SLC7A7: variants seen among roughly 807,000 people sequenced by gnomAD.
SLC7A7 encodes the protein solute carrier family 7 member 7.
A neutral mutation model predicts 47.9 loss-of-function variants in SLC7A7; 39 were observed. That is an observed-to-expected ratio of 0.81 (90% CI 0.63 to 1.06). SLC7A7 has a LOEUF of 1.06. Ranked by LOEUF, SLC7A7 falls within the 50% of genes least tolerant of loss-of-function variation. The pLI, the probability that SLC7A7 is intolerant of heterozygous loss-of-function variation, is 0.00. For synonymous variants in SLC7A7, 234 were observed against 242.8 expected (o/e 0.96, Z 0.34); for missense variants, 588 against 632.0 (o/e 0.93, Z 0.75).
chr14:22,813,517 G>A (rs942611299), intron 1 of SLC7A7, 77 bp from the exon 2 acceptor site: 2 of 1,307,522 alleles, frequency 1.5e-6, no homozygotes, highest in South Asian at 2.5e-5. Context: ...CCAACACAGG[G>A]TAATACGGGC....
At chr14:22,779,468 G>C (rs796221027) in intron 3 of SLC7A7, among the ~76,000 whole-genome samples, 1,694 of 124,722 alleles carry the variant, frequency 0.014, 39 homozygotes, top group African/African-American at 0.042. Flanking sequence ...TTTTTTTTTG[G>C]GGGGGGGACA....
At chr14:22,816,709 G>T (rs2039412176), upstream of SLC7A7, among the ~76,000 whole-genome samples, 1 of 152,060 alleles carries the variant, frequency 6.6e-6, no homozygotes, top group South Asian at 2.1e-4. Context: ...AAATCCAACT[G>T]TCTGTTTCTT....
chr14:22,780,159 C>A, intron 2 of SLC7A7, 108 bp from the exon 3 acceptor site: 1 of 1,488,084 alleles, frequency 6.7e-7, no homozygotes, highest in Non-Finnish European at 9.3e-7. Context: ...TACCCTTCAG[C>A]CAAAGACAGA....
At chr14:22,782,464 AT>A (rs553527995) in intron 2 of SLC7A7, among the ~76,000 whole-genome samples, 2,003 of 135,698 alleles carry the variant, frequency 0.015, 48 homozygotes, top group African/African-American at 0.049. Context: ...TTATTTATTT[AT>A]TTTATTTATT....
At chr14:22,786,536 T>G (rs1311462364) in intron 2 of SLC7A7, among the ~76,000 whole-genome samples, 1 of 152,248 alleles carries the variant, frequency 6.6e-6, no homozygotes, top group African/African-American at 2.4e-5. Context: ...CAGACCGTGT[T>G]GCCGACTACG....
chr14:22,801,805 T>C (rs756803403), intron 2 of SLC7A7, among the ~76,000 whole-genome samples: 1 of 152,020 alleles, frequency 6.6e-6, no homozygotes, highest in Non-Finnish European at 1.5e-5. Context: ...AATCCCTGTA[T>C]TGGGTTGCCC....
intron 2 of SLC7A7, 24 bp from the exon 3 acceptor site, chr14:22,780,075 G>A (rs999657013): frequency 7.4e-6 from 12 of 1,613,282 alleles, no homozygotes; most frequent in African/African-American, 1.3e-5. Context: ...AATACTGATT[G>A]GTGACTTACC....
chr14:22,807,624 G>A (rs1215940320), intron 2 of SLC7A7, among the ~76,000 whole-genome samples: 1 of 152,028 alleles, frequency 6.6e-6, no homozygotes, highest in Non-Finnish European at 1.5e-5. Flanking sequence ...AGTCCAACCT[G>A]ATTATAAAAC....
At position 22,773,505 on chromosome 14, in the gene SLC7A7, T is replaced by C; in HGVS notation, c.*105A>G. 1 of 940,144 alleles carries C rather than the reference T, an allele frequency of 1.1e-6. No homozygotes were observed. The allele number at this position is 940,144 out of a possible 1,614,324, so 58.2% of individuals were successfully genotyped here. ...AGGTTGAAGCTGCCTAGGCCAGGCT[T>C]CTGGACAGGTGCCTCCAAAGAAGTG... On this transcript the variant is annotated 3_prime_UTR_variant, in exon 10 of 10. Transcript: ENST00000674313.
rs1309171966 is a variant in SLC7A7 at position 22,778,787 on chromosome 14, A to G, written c.770+6T>C. On this transcript the variant is annotated splice_donor_region_variant and intron_variant, in intron 4 of 9. Coordinates refer to ENST00000674313, the MANE Select transcript of SLC7A7 (RefSeq NM_003982.4). Reference sequence around the variant, plus strand: ...TGCTATGGAAAGTTGGTGGTGCAGTACCTACCTCTCAGGATTCTTGATCTC... The same window carrying G: ...TGCTATGGAAAGTTGGTGGTGCAGTGCCTACCTCTCAGGATTCTTGATCTC... 1.2e-6 allele frequency: 2 copies of G among 1,613,942 alleles called. No homozygotes were observed. Among genetic ancestry groups the G allele is most frequent in the Admixed American group, 1.7e-5 (1 of 60,010 alleles).
intron 5 of SLC7A7, 96 bp from the exon 6 acceptor site, chr14:22,776,032 A>C: frequency 1.4e-6 from 2 of 1,421,590 alleles, no homozygotes; most frequent in East Asian, 4.5e-5. Flanking sequence ...AGGTATTCCA[A>C]CCTTTCTTCC....
At chr14:22,787,436 A>ACAATAAATAAAT (rs2038836905) in intron 2 of SLC7A7, among the ~76,000 whole-genome samples, 1 of 148,162 alleles carries the variant, frequency 6.7e-6, no homozygotes, top group African/African-American at 2.5e-5. Flanking sequence ...ACTCCGTCTC[A>ACAATAAATAAAT]AAATAAATAA....
chr14:22,813,881 C>T (rs1381733055), intron 1 of SLC7A7, among the ~76,000 whole-genome samples: 3 of 151,452 alleles, frequency 2.0e-5, no homozygotes, highest in African/African-American at 7.3e-5. Context: ...ACCTCCGCCT[C>T]CCGGGTTCAA....
rs750961059 is a variant in SLC7A7, at chr14:22,773,570, C to T, written c.*40G>A. 40 of 1,560,370 alleles carry T rather than the reference C, an allele frequency of 2.6e-5. No individual in the cohort carries two copies. Among genetic ancestry groups the T allele is most frequent in the Non-Finnish European group, 3.4e-5 (39 of 1,130,918 alleles). On this transcript the variant is annotated 3_prime_UTR_variant, in exon 10 of 10. Transcript: ENST00000674313. ...ACTTCCTTAGCTCTAGCCAGTAGAC[C>T]AGAAACCCCTGCTTTCCACATCAGG... is the stretch of plus-strand genomic sequence containing the variant.
intron 2 of SLC7A7, among the ~76,000 whole-genome samples, chr14:22,783,348 G>C (rs1174248043): frequency 1.3e-5 from 2 of 151,796 alleles, no homozygotes; most frequent in Admixed American, 6.6e-5. Flanking sequence ...TTATAGGGAA[G>C]AGCCATGGCA....
intron 2 of SLC7A7, among the ~76,000 whole-genome samples, chr14:22,795,442 CTTTT>C (rs2039003422): frequency 1.3e-5 from 1 of 76,614 alleles, no homozygotes; most frequent in Non-Finnish European, 2.6e-5. Context: ...TTCTTTCTTT[CTTTT>C]CTATTCTTTT....
chr14:22,813,024 G>A lies in SLC7A7; in HGVS notation c.375C>T (p.Leu125=), dbSNP rs199724860. 2.5e-6 allele frequency: 4 copies of A among 1,613,990 alleles called. No individual in the cohort carries two copies. Among genetic ancestry groups the A allele is most frequent in the African/African-American group, 1.3e-5 (1 of 74,884 alleles). Residue 125 remains leucine (L), a synonymous_variant, in exon 2 of 10, where the codon CTC becomes CTT. Coordinates refer to ENST00000674313, the MANE Select transcript of SLC7A7 (RefSeq NM_003982.4). ...LAFIRLWTSL[L]IIEPTSQAII... ...TGGCCTGGCTGGTGGGCTCAATGAT[G>A]AGCAGGGAGGTCCAGAGTCTGATGA...
At chr14:22,811,738 G>A (rs1307624724) in intron 2 of SLC7A7, among the ~76,000 whole-genome samples, 1 of 151,338 alleles carries the variant, frequency 6.6e-6, no homozygotes, top group Non-Finnish European at 1.5e-5. Flanking sequence ...TGTAATCCCA[G>A]CTACTAGGGA....
chr14:22,790,776 A>G (rs1453217302), intron 2 of SLC7A7, among the ~76,000 whole-genome samples: 1 of 152,188 alleles, frequency 6.6e-6, no homozygotes, highest in East Asian at 1.9e-4. Flanking sequence ...GAGGCAGACG[A>G]ATCACGAGTT....
Sources: gnomAD v4.1 joint callset for allele counts (sites outside exome capture counted in the v4.1 genomes callset) on GRCh38, gnomAD v4.1.1 for gene constraint, MANE v1.5 for transcripts, NCBI Gene and HGNC (gene_info 2026-07-23, HGNC 2026-07-21) for gene names.